FAM117A: variants seen among roughly 807,000 people sequenced by gnomAD.
FAM117A encodes the protein protein FAM117A.
FAM117A carries 21 observed loss-of-function variants against 44.1 expected under a neutral mutation model. That is an observed-to-expected ratio of 0.48 (90% confidence interval 0.34 to 0.69). The LOEUF (loss-of-function observed/expected upper bound fraction) is 0.69, where lower values mean the gene tolerates loss of function less well. Ranked by LOEUF, FAM117A falls within the 30% of genes least tolerant of loss-of-function variation. FAM117A has a pLI of 0.01. For missense variants in FAM117A, 498 were observed against 589.9 expected (o/e 0.84, Z 1.61); for synonymous variants, 220 against 238.3 (o/e 0.92, Z 0.71).
At chr17:49,786,691 C>T (rs1372777015) in intron 1 of FAM117A, among the ~76,000 whole-genome samples, 2 of 151,596 alleles carry the variant, frequency 1.3e-5, no homozygotes, top group Non-Finnish European at 2.9e-5. Context: ...GCAGGAGAAT[C>T]GCCTGAACCC....
At chr17:49,730,380 A>AAAACACAGAGCCT (rs1405243991) in intron 2 of FAM117A, among the ~76,000 whole-genome samples, 1 of 152,238 alleles carries the variant, frequency 6.6e-6, no homozygotes, top group African/African-American at 2.4e-5. Flanking sequence ...AGCCTGAGCA[A>AAAACACAGAGCCT]AAACACACAG....
intron 1 of FAM117A, among the ~76,000 whole-genome samples, chr17:49,786,598 G>C (rs1369194398): frequency 1.3e-5 from 2 of 151,996 alleles, no homozygotes; most frequent in African/African-American, 4.8e-5. Flanking sequence ...CCAACATGGA[G>C]AAACACTGTC....
chr17:49,783,393 T>TCAAG (rs2073795575), intron 1 of FAM117A, among the ~76,000 whole-genome samples: 2 of 152,050 alleles, frequency 1.3e-5, no homozygotes, highest in Admixed American at 1.3e-4. Context: ...TGCTATTGAA[T>TCAAG]CAAGATCAGA....
chr17:49,723,362 G>A (rs1384323820), intron 2 of FAM117A, among the ~76,000 whole-genome samples: 3 of 152,144 alleles, frequency 2.0e-5, no homozygotes, highest in African/African-American at 7.2e-5. Flanking sequence ...CTGCACCGAA[G>A]ACAGAGTGTC....
At chr17:49,715,000 CT>C (rs1258885420) in intron 7 of FAM117A, among the ~76,000 whole-genome samples, 2 of 152,144 alleles carry the variant, frequency 1.3e-5, no homozygotes, top group African/African-American at 4.8e-5. Flanking sequence ...AATGAGCTGA[CT>C]TTAAGGCCTC....
intron 1 of FAM117A, among the ~76,000 whole-genome samples, chr17:49,748,564 G>C (rs1319768809): frequency 1.3e-5 from 2 of 152,012 alleles, no homozygotes; most frequent in East Asian, 3.8e-4. Context: ...TATAAGCTGG[G>C]GTAACAATAT....
chr17:49,752,780 C>T (rs1382943187), intron 1 of FAM117A, among the ~76,000 whole-genome samples: 1 of 152,160 alleles, frequency 6.6e-6, no homozygotes, highest in East Asian at 1.9e-4. Flanking sequence ...TCCAACTACT[C>T]ACACCAAGTG....
At position 49,758,231 on chromosome 17, in the gene FAM117A, C is replaced by G. The variant is rs2073706508; in HGVS notation, c.196+5661G>C. On this transcript the variant is annotated intron_variant, in intron 1 of 7. Coordinates refer to ENST00000240364, the MANE Select transcript of FAM117A (RefSeq NM_030802.4). Reference sequence around the variant, plus strand: ...CCTGTAATCCCAGCTACTTGGGAAGCTGAGGCAGGAGAAGCGCTTGAATCT... The same window carrying G: ...CCTGTAATCCCAGCTACTTGGGAAGGTGAGGCAGGAGAAGCGCTTGAATCT... Among the ~76,000 whole-genome samples, 3 of 152,046 alleles carry G rather than the reference C, an allele frequency of 2.0e-5. No individual in the cohort carries two copies. The South Asian group carries it at 6.2e-4, about 32-fold the overall frequency.
chr17:49,741,175 C>A (rs1417750493), intron 1 of FAM117A, among the ~76,000 whole-genome samples: 1 of 152,158 alleles, frequency 6.6e-6, no homozygotes, highest in Non-Finnish European at 1.5e-5. Flanking sequence ...ATGGCAAAAA[C>A]TCAACAACTA....
At chr17:49,746,195 T>G (rs909560461) in intron 1 of FAM117A, among the ~76,000 whole-genome samples, 5 of 152,178 alleles carry the variant, frequency 3.3e-5, no homozygotes, top group Admixed American at 6.5e-5. Context: ...AAAAGAGAGA[T>G]AAGACCATTG....
At chr17:49,784,286 T>G (rs2073798753) in intron 1 of FAM117A, among the ~76,000 whole-genome samples, 1 of 152,204 alleles carries the variant, frequency 6.6e-6, no homozygotes, top group African/African-American at 2.4e-5. Context: ...AGTGCCTATT[T>G]CAGTCTCTCC....
chr17:49,734,388 C>A (rs1170855136), intron 1 of FAM117A, among the ~76,000 whole-genome samples: 1 of 151,244 alleles, frequency 6.6e-6, no homozygotes. Flanking sequence ...GTCGGGAGAT[C>A]GAGACCATCC....
intron 3 of FAM117A, among the ~76,000 whole-genome samples, 198 bp from the exon 4 acceptor site, chr17:49,720,634 C>A (rs983262780): frequency 9.9e-5 from 15 of 152,202 alleles, no homozygotes; most frequent in Admixed American, 3.3e-4. Context: ...GGATACCTCA[C>A]TTAACTAGAT....
chr17:49,730,840 G>A (rs1287467061), intron 2 of FAM117A, among the ~76,000 whole-genome samples: 1 of 152,170 alleles, frequency 6.6e-6, no homozygotes, highest in African/African-American at 2.4e-5. Flanking sequence ...TAGATCCAAA[G>A]AGGGCCATGA....
In FAM117A at chr17:49,764,024, C is replaced by A. The variant is rs2073734720; in HGVS notation, c.64G>T (p.Gly22Trp). 2.5e-6 allele frequency: 3 copies of A among 1,202,258 alleles called. No individual in the cohort carries two copies. The highest frequency in any genetic ancestry group is 4.3e-5 in the Admixed American group (1 of 23,236). The allele number at this position is 1,202,258 out of a possible 1,614,324, so 74.5% of individuals were successfully genotyped here. ...GGAGAGCAGCCCCGCCGGAGCCCCC[C>A]GGCCCCTCCGCGCCCCGGCCCCCAG... ...GAWGPGRGGA[G>W]GLRRGCSPPA... Residue 22 changes from glycine to tryptophan, a missense_variant, in exon 1 of 8, where the codon GGG becomes TGG. Physicochemically the swap from Gly to Trp is radical, Grantham distance 184. Around this residue, in one of 3 missense-constraint regions of FAM117A, gnomAD observed 270 missense variants for 277.4 expected, o/e 0.97. Transcript: ENST00000240364.
chr17:49,740,694 A>C (rs552855758), intron 1 of FAM117A, among the ~76,000 whole-genome samples: 1 of 152,342 alleles, frequency 6.6e-6, no homozygotes, highest in East Asian at 1.9e-4. Context: ...CAAGACCCCC[A>C]GGGGATACTC....
intron 3 of FAM117A, 50 bp from the exon 4 acceptor site, chr17:49,720,486 T>G: frequency 6.9e-7 from 1 of 1,447,620 alleles, no homozygotes; most frequent in South Asian, 1.1e-5. Flanking sequence ...AAAGCCAAAG[T>G]GCACTGGGTC....
intron 1 of FAM117A, among the ~76,000 whole-genome samples, chr17:49,780,050 T>C (rs1410150367): frequency 6.6e-6 from 1 of 152,212 alleles, no homozygotes; most frequent in Non-Finnish European, 1.5e-5. Flanking sequence ...GTCTGAACTA[T>C]GTATGGGCTA....
chr17:49,787,669 A>C (rs2073822660), intron 1 of FAM117A, among the ~76,000 whole-genome samples: 1 of 152,192 alleles, frequency 6.6e-6, no homozygotes, highest in Non-Finnish European at 1.5e-5. Context: ...GGTCCTCTCA[A>C]GGCCTTTCCT....
Sources: gnomAD v4.1 joint callset for allele counts (sites outside exome capture counted in the v4.1 genomes callset) on GRCh38, gnomAD v4.1.1 for gene constraint, gnomAD v4.1.1 regional missense constraint, MANE v1.5 for transcripts, NCBI Gene and HGNC (gene_info 2026-07-23, HGNC 2026-07-21) for gene names.